CTNNA2: variants seen among roughly 807,000 people sequenced by gnomAD.
CTNNA2 encodes the protein catenin alpha 2, also known as catenin alpha-2.
A neutral mutation model predicts 101.0 loss-of-function variants in CTNNA2; 42 were observed. The observed-to-expected ratio is 0.42, with a 90% CI of 0.32 to 0.54. The LOEUF is 0.54. Ranked by LOEUF, CTNNA2 falls within the 20% of genes least tolerant of loss-of-function variation. The pLI is 0.14. For synonymous variants in CTNNA2, 450 were observed against 456.4 expected (o/e 0.99, Z 0.18); for missense variants, 871 against 1,223.1 (o/e 0.71, Z 4.29).
chr2:79,745,598 T>A (rs1469448823), intron 3 of CTNNA2, among the ~76,000 whole-genome samples: 1 of 152,132 alleles, frequency 6.6e-6, no homozygotes, highest in Non-Finnish European at 1.5e-5. Context: ...TCCTCCTCCC[T>A]GAAGCCTCTG....
At chr2:80,561,279 C>T (rs895508049) in intron 12 of CTNNA2, among the ~76,000 whole-genome samples, 4 of 151,984 alleles carry the variant, frequency 2.6e-5, no homozygotes, top group African/African-American at 9.7e-5. Context: ...AATTTTAAGT[C>T]GGAAGTGTAG....
chr2:80,416,016 G>T (rs562051658), intron 8 of CTNNA2, among the ~76,000 whole-genome samples: 2 of 152,182 alleles, frequency 1.3e-5, no homozygotes, highest in South Asian at 2.1e-4. Context: ...GGAACTCACA[G>T]AAACAAAAAG....
intron 2 of CTNNA2, among the ~76,000 whole-genome samples, chr2:79,677,145 T>C (rs1683242429): frequency 6.6e-6 from 1 of 152,228 alleles, no homozygotes; most frequent in East Asian, 1.9e-4. Context: ...ATACTGTCTC[T>C]TTTGACAATA....
At chr2:80,364,724 T>G (rs1191008332) in intron 7 of CTNNA2, among the ~76,000 whole-genome samples, 2 of 152,108 alleles carry the variant, frequency 1.3e-5, no homozygotes, top group Non-Finnish European at 2.9e-5. Context: ...TTAGAGAAGC[T>G]CACTGTTTAA....
chr2:79,531,915 C>G (rs562153516), intron 1 of CTNNA2, among the ~76,000 whole-genome samples: 5 of 151,936 alleles, frequency 3.3e-5, no homozygotes, highest in Non-Finnish European at 7.4e-5. Context: ...CTCCTGACCT[C>G]GTGATCTGCC....
chr2:80,473,597 C>A (rs1685483276), intron 9 of CTNNA2, among the ~76,000 whole-genome samples: 1 of 152,158 alleles, frequency 6.6e-6, no homozygotes, highest in African/African-American at 2.4e-5. Flanking sequence ...CATTGGAACC[C>A]ACCTCACCAG....
chr2:79,260,334 A>G (rs1189589540), intron 2 of CTNNA2, among the ~76,000 whole-genome samples: 1 of 152,170 alleles, frequency 6.6e-6, no homozygotes, highest in East Asian at 1.9e-4. Flanking sequence ...ACAACACATG[A>G]GCATTTGTAA....
At chr2:79,767,076 C>T (rs777818080) in intron 3 of CTNNA2, among the ~76,000 whole-genome samples, 8 of 151,830 alleles carry the variant, frequency 5.3e-5, no homozygotes, top group Non-Finnish European at 1.2e-4. Flanking sequence ...TTTCAAATAG[C>T]CTGTTTTCGA....
intron 1 of CTNNA2, among the ~76,000 whole-genome samples, chr2:79,622,064 T>C (rs1441564455): frequency 2.0e-5 from 3 of 152,166 alleles, no homozygotes; most frequent in Non-Finnish European, 4.4e-5. Context: ...AAAAAGGACA[T>C]TAGACAAAAA....
At chr2:79,212,293 A>G (rs901132786) in intron 2 of CTNNA2, among the ~76,000 whole-genome samples, 10 of 152,154 alleles carry the variant, frequency 6.6e-5, no homozygotes, top group East Asian at 1.9e-4. Flanking sequence ...AGAAGATAGT[A>G]GGGATGACAA....
intron 1 of CTNNA2, among the ~76,000 whole-genome samples, chr2:79,536,574 A>AGTGTGTGTGTGTGT (rs61029469): frequency 9.3e-4 from 136 of 146,806 alleles, no homozygotes; most frequent in Non-Finnish European, 1.6e-3. Context: ...TCTCTAAAGA[A>AGTGTGTGTGTGTGT]GTGTGTGTGT....
chr2:79,624,602 C>T (rs112426493), intron 1 of CTNNA2, among the ~76,000 whole-genome samples: 1,707 of 152,226 alleles, frequency 0.011, 55 homozygotes, highest in East Asian at 0.1. Flanking sequence ...CCTGTAGAAG[C>T]TCAGTCACCA....
At chr2:79,300,895 G>A (rs977196606) in intron 2 of CTNNA2, among the ~76,000 whole-genome samples, 3 of 152,108 alleles carry the variant, frequency 2.0e-5, no homozygotes, top group Non-Finnish European at 4.4e-5. Flanking sequence ...TGAAGTTCGA[G>A]TCTTTCATCT....
intron 2 of CTNNA2, among the ~76,000 whole-genome samples, chr2:79,270,973 A>G (rs1486140002): frequency 6.6e-6 from 1 of 152,066 alleles, no homozygotes; most frequent in African/African-American, 2.4e-5. Flanking sequence ...AAGATGCCAG[A>G]AGGCTGCATA....
At position 79,871,460 on chromosome 2, in the gene CTNNA2, C is replaced by T. The variant is rs530848985; in HGVS notation, c.585+1525C>T. The stretch of plus-strand genomic sequence containing the variant: ...CCCCAGGAGGCTACTGGTGCAGGCC[C>T]CAGAGTCTAGAAGCCTAGGAATCTG... On this transcript the variant is annotated intron_variant, in intron 5 of 18. Transcript: ENST00000402739. 2.0e-4 allele frequency among the ~76,000 whole-genome samples: 30 copies of T among 152,128 alleles called. No individual in the cohort carries two copies. The South Asian group carries it at 5.6e-3, about 29-fold the overall frequency.
chr2:80,214,215 T>C (rs1708100189), intron 7 of CTNNA2, among the ~76,000 whole-genome samples: 1 of 152,164 alleles, frequency 6.6e-6, no homozygotes, highest in Non-Finnish European at 1.5e-5. Flanking sequence ...CATTTACATT[T>C]AAGGTTAATA....
At chr2:79,998,915 C>T (rs1352914526) in intron 7 of CTNNA2, among the ~76,000 whole-genome samples, 4 of 152,248 alleles carry the variant, frequency 2.6e-5, no homozygotes, top group Middle Eastern at 3.4e-3. Context: ...AAAACACTCT[C>T]CATGTAAGGA....
chr2:80,622,617 T>C (rs1180315036), intron 18 of CTNNA2, among the ~76,000 whole-genome samples: 1 of 151,934 alleles, frequency 6.6e-6, no homozygotes, highest in African/African-American at 2.4e-5. Context: ...GAATAGGTTA[T>C]TGATTTGGGT....
chr2:80,643,989 G>T (rs1573553534), intron 18 of CTNNA2, among the ~76,000 whole-genome samples: 1 of 152,164 alleles, frequency 6.6e-6, no homozygotes, highest in Admixed American at 6.5e-5. Context: ...GCCAGGTTTA[G>T]GGGACAGGCT....
Sources: allele counts gnomAD v4.1 joint callset (sites outside exome capture counted in the v4.1 genomes callset), GRCh38; gene constraint gnomAD v4.1.1; transcripts MANE v1.5; gene names NCBI Gene and HGNC (gene_info 2026-07-23, HGNC 2026-07-21).